The following DMD variants were observed in gnomAD, a reference collection of about 807,000 sequenced individuals.
DMD encodes dystrophin.
A neutral mutation model predicts 330.1 loss-of-function variants in DMD; 63 were observed. That is an observed-to-expected ratio of 0.19 (90% CI 0.16 to 0.24). The LOEUF is 0.24. Among genes scored for constraint, DMD ranks in the 10% least tolerant of loss-of-function variants. The pLI, the probability that DMD is intolerant of heterozygous loss-of-function variation, is 1.00. For missense variants in DMD, 3,344 were observed against 2,684.1 expected, an observed-to-expected ratio of 1.25 and a Z score of -5.43; for synonymous variants, 1,223 against 959.8, an observed-to-expected ratio of 1.27 and a Z score of -5.07.
intron 1 of DMD, among the ~76,000 whole-genome samples, chrX:33,031,904 T>C (rs1483693161): frequency 5.3e-5 from 6 of 112,622 alleles, no homozygotes; most frequent in South Asian, 3.6e-4. Flanking sequence ...TGAGGTATCC[T>C]GTAAAGCATC....
intron 1 of DMD, among the ~76,000 whole-genome samples, chrX:33,108,061 C>A (rs1293803653): frequency 1.8e-5 from 2 of 111,126 alleles, no homozygotes; most frequent in Admixed American, 9.6e-5. Flanking sequence ...GTTTTACTAA[C>A]AATAAAACTA....
chrX:33,228,314 G>A (rs1181125722), intron 1 of DMD, among the ~76,000 whole-genome samples: 1 of 92,324 alleles, frequency 1.1e-5, no homozygotes, highest in African/African-American at 4.6e-5. Flanking sequence ...TGTGTGTGTA[G>A]GCATATGCTT....
intron 29 of DMD, among the ~76,000 whole-genome samples, chrX:32,436,730 T>C (rs746166862): frequency 3.6e-5 from 4 of 110,804 alleles, no homozygotes; most frequent in Admixed American, 9.6e-5. Flanking sequence ...GGCAAGTGGA[T>C]AGCTTGAGCC....
intron 60 of DMD, among the ~76,000 whole-genome samples, chrX:31,352,558 T>C (rs1214885920): frequency 4.5e-5 from 5 of 111,649 alleles, no homozygotes; most frequent in Non-Finnish European, 5.6e-5. Context: ...CTCTGAAGAA[T>C]TTTGCCTTCT....
chrX:31,355,701 A>G (rs1038066158), intron 60 of DMD, among the ~76,000 whole-genome samples: 4 of 111,031 alleles, frequency 3.6e-5, no homozygotes, highest in African/African-American at 1.3e-4. Flanking sequence ...CTTACTCCCA[A>G]ATCCTCACAA....
At chrX:31,200,210 AG>A (rs200361574) in intron 67 of DMD, among the ~76,000 whole-genome samples, 1,721 of 112,003 alleles carry the variant, frequency 0.015, 37 homozygotes, top group African/African-American at 0.053. Context: ...TTCCCCCTCA[AG>A]GGTCCCCTGT....
chrX:31,407,550 C>T lies in DMD; in HGVS notation c.9084+36931G>A, dbSNP rs182716601. Reference sequence around the variant, plus strand: ...GCAGTGGTGCAATCTTGGCTCACTGCGAGCTTCACCTCCCGGGTTCACGCC... The same window carrying T: ...GCAGTGGTGCAATCTTGGCTCACTGTGAGCTTCACCTCCCGGGTTCACGCC... On this transcript the variant is annotated intron_variant, in intron 60 of 78. Coordinates refer to ENST00000357033, the MANE Select transcript of DMD (RefSeq NM_004006.3). Among the ~76,000 whole-genome samples the T allele has an allele frequency of 7.9e-3, 838 of 105,712 alleles. 9 individuals are homozygous for T. The highest frequency in any genetic ancestry group is 0.025 in the African/African-American group (725 of 28,795). The allele number at this position is 105,712 out of a possible 115,157, so 91.8% of individuals were successfully genotyped here.
At chrX:32,481,438 T>G (rs760920729) in intron 21 of DMD, among the ~76,000 whole-genome samples, 1 of 111,589 alleles carries the variant, frequency 9.0e-6, no homozygotes, top group East Asian at 2.8e-4. Flanking sequence ...GTACTTAATT[T>G]CCTCAATTGA....
At chrX:31,828,365 T>C (rs984037596) in intron 49 of DMD, among the ~76,000 whole-genome samples, 11 of 111,018 alleles carry the variant, frequency 9.9e-5, no homozygotes, top group East Asian at 2.8e-4. Flanking sequence ...CAAGAAGAAA[T>C]AGAAACCCTG....
chrX:32,869,335 G>A (rs1469432564), intron 2 of DMD, among the ~76,000 whole-genome samples: 2 of 111,072 alleles, frequency 1.8e-5, no homozygotes, highest in Non-Finnish European at 3.8e-5. Context: ...AAGCCAGAGT[G>A]CCTCTTCTCC....
chrX:31,306,014 T>C (rs2055003083), intron 62 of DMD, among the ~76,000 whole-genome samples: 1 of 112,162 alleles, frequency 8.9e-6, no homozygotes, highest in Non-Finnish European at 1.9e-5. Context: ...AAATTGTATA[T>C]ATTTGAACTA....
intron 44 of DMD, among the ~76,000 whole-genome samples, chrX:32,191,283 A>C (rs929132576): frequency 7.1e-5 from 8 of 111,948 alleles, no homozygotes. Context: ...ACATTTGAAG[A>C]CAACTATCAT....
At chrX:31,696,389 A>G (rs760620217) in intron 52 of DMD, among the ~76,000 whole-genome samples, 1 of 112,450 alleles carries the variant, frequency 8.9e-6, no homozygotes, top group Non-Finnish European at 1.9e-5. Flanking sequence ...ACAGACAAGT[A>G]GATATGACTG....
intron 7 of DMD, among the ~76,000 whole-genome samples, chrX:32,783,279 A>G (rs1347619358): frequency 1.1e-5 from 1 of 94,807 alleles, no homozygotes; most frequent in Non-Finnish European, 2.2e-5. Flanking sequence ...TGGTATATAT[A>G]CACCATATAT....
intron 1 of DMD, among the ~76,000 whole-genome samples, chrX:33,329,889 T>C (rs184968403): frequency 9.0e-4 from 100 of 111,632 alleles, no homozygotes; most frequent in African/African-American, 3.1e-3. Context: ...TGTGAACTTT[T>C]ATATATTCGT....
chrX:32,768,432 CCAAGA>C lies in DMD; in HGVS notation c.649+41056_649+41060del, dbSNP rs775843823. Among the ~76,000 whole-genome samples, 14 of 111,932 alleles carry C rather than the reference CCAAGA, an allele frequency of 1.3e-4. No individual in the cohort carries two copies. The East Asian group carries it at 3.1e-3, about 25-fold the overall frequency. On this transcript the variant is annotated intron_variant, in intron 7 of 78. Transcript: ENST00000357033. ...ATAAAGCTTTGTGCCAATTTTGTCA[CCAAGA>C]CAAGTGTATCTGATCTAACACAAAT...
rs2065555513 is a variant in DMD at position 31,449,762 on chromosome X, T to TTA, written c.8938-5136_8938-5135insTA. ...CTTATGAGTTTATTTATAAATGGTG[T>TTA]GATATATATATATATATATATATAT... is the stretch of plus-strand genomic sequence containing the variant. On this transcript the variant is annotated intron_variant, in intron 59 of 78. Transcript: ENST00000357033. Among the ~76,000 whole-genome samples, 11 of 49,875 alleles carry TTA rather than the reference T, an allele frequency of 2.2e-4. No individual in the cohort carries two copies. The Admixed American group carries it at 2.7e-3, about 12-fold the overall frequency. The allele number at this position is 49,875 out of a possible 115,157, so 43.3% of individuals were successfully genotyped here. A position where few individuals can be genotyped will look rare whatever the true frequency, so the allele number is the denominator to read the frequency against.
intron 57 of DMD, among the ~76,000 whole-genome samples, chrX:31,489,287 C>T (rs1170309522): frequency 8.9e-6 from 1 of 111,807 alleles, no homozygotes; most frequent in Non-Finnish European, 1.9e-5. Flanking sequence ...ACTACAGGCA[C>T]GTGTCACCAC....
intron 43 of DMD, among the ~76,000 whole-genome samples, chrX:32,261,165 C>T (rs1401026793): frequency 8.9e-6 from 1 of 112,072 alleles, no homozygotes; most frequent in Non-Finnish European, 1.9e-5. Flanking sequence ...CAAAACATAT[C>T]CTTCAGCTCT....
Sources: allele counts gnomAD v4.1 joint callset (sites outside exome capture counted in the v4.1 genomes callset), GRCh38; gene constraint gnomAD v4.1.1; transcripts MANE v1.5; gene names NCBI Gene and HGNC (gene_info 2026-07-23, HGNC 2026-07-21).